The following GABRA5 variants were observed in gnomAD, a reference collection of about 807,000 sequenced individuals.
GABRA5 encodes gamma-aminobutyric acid type A receptor subunit alpha5.
In GABRA5, 18 loss-of-function variants were observed where a neutral mutation model predicts 47.3. That is an observed-to-expected ratio of 0.38 (90% CI 0.26 to 0.56). The LOEUF (loss-of-function observed/expected upper bound fraction) is 0.56, where lower values mean the gene tolerates loss of function less well. Ranked by LOEUF, GABRA5 falls within the 20% of genes least tolerant of loss-of-function variation. GABRA5 has a pLI of 0.71. For missense variants in GABRA5, 365 were observed against 599.3 expected, an observed-to-expected ratio of 0.61 and a Z score of 4.08; for synonymous variants, 237 against 229.3, an observed-to-expected ratio of 1.03 and a Z score of -0.30.
Position 26,872,666 on chromosome 15 carries a change from C to A in GABRA5, c.86+3332C>A, listed in dbSNP as rs138320654. ...AAGCATCAAAGGGTTTAATTTGAAC[C>A]TGATTCTAGGACAAGAGAAGTGCTG... On this transcript the variant is annotated intron_variant, in intron 3 of 10. Transcript: ENST00000335625. Among the ~76,000 whole-genome samples the A allele has an allele frequency of 3.3e-3, 495 of 152,242 alleles. 4 individuals carry two copies. The highest frequency in any genetic ancestry group is 0.011 in the African/African-American group (476 of 41,532).
In GABRA5 at chr15:26,943,506, G is replaced by A. The variant is rs569156389; in HGVS notation, c.1089+80G>A. The A allele has an allele frequency of 2.3e-4, 296 of 1,288,950 alleles. No homozygotes were observed. The African/African-American group carries it at 2.6e-3, about 11-fold the overall frequency. The allele number at this position is 1,288,950 out of a possible 1,614,324, so 79.8% of individuals were successfully genotyped here. ...CTGATTCTATCCAAACATGAGACAA[G>A]GTGCTGCTCCTTCCTACCCGCCAGC... On this transcript the variant is annotated intron_variant, in intron 10 of 10. Transcript: ENST00000335625.
At chr15:26,870,099 A>G (rs564308347) in intron 3 of GABRA5, among the ~76,000 whole-genome samples, 44 of 152,360 alleles carry the variant, frequency 2.9e-4, no homozygotes, top group African/African-American at 8.4e-4. Context: ...CATATAATTA[A>G]GAAATTAAAT....
rs142114430 is a variant in GABRA5, at chr15:26,919,032, A to G, written c.580+4147A>G. On this transcript the variant is annotated intron_variant, in intron 7 of 10. Transcript: ENST00000335625. ...GTGGTGCATGCCTGTAGTCACAGCTATTTGGGAGGATGAGGCAGAAGGATC... is the reference window on the plus strand; with the variant it reads ...GTGGTGCATGCCTGTAGTCACAGCTGTTTGGGAGGATGAGGCAGAAGGATC... 8.7e-4 allele frequency among the ~76,000 whole-genome samples: 132 copies of G among 152,258 alleles called. 1 individual carries two copies. Among genetic ancestry groups the G allele is most frequent in the African/African-American group, 3.1e-3 (129 of 41,568 alleles).
At chr15:26,894,896 C>T (rs1403739230) in intron 6 of GABRA5, among the ~76,000 whole-genome samples, 3 of 151,800 alleles carry the variant, frequency 2.0e-5, no homozygotes, top group Non-Finnish European at 4.4e-5. Context: ...TCCGTGGGTC[C>T]GACTTCTGTC....
intron 6 of GABRA5, among the ~76,000 whole-genome samples, chr15:26,910,597 C>CAAA (rs34894641): frequency 6.8e-6 from 1 of 146,564 alleles, no homozygotes; most frequent in Non-Finnish European, 1.5e-5. Context: ...GAGACTCCAT[C>CAAA]AAAAAAAAAA....
chr15:26,938,479 CA>C (rs747670397), intron 8 of GABRA5, among the ~76,000 whole-genome samples: 8 of 152,120 alleles, frequency 5.3e-5, no homozygotes, highest in Non-Finnish European at 1.0e-4. Flanking sequence ...CAAACACTAC[CA>C]AATTTTCCTA....
chr15:26,927,900 A>G (rs905870457), intron 7 of GABRA5, among the ~76,000 whole-genome samples: 2 of 152,222 alleles, frequency 1.3e-5, no homozygotes, highest in African/African-American at 4.8e-5. Context: ...TGTTATTGGT[A>G]TCTCTACTCT....
intron 6 of GABRA5, among the ~76,000 whole-genome samples, chr15:26,891,486 A>T (rs1893004853): frequency 6.6e-6 from 1 of 152,178 alleles, no homozygotes; most frequent in Admixed American, 6.5e-5. Flanking sequence ...TGCAACAGGA[A>T]GCTAGCTATG....
chr15:26,944,616 CAG>C (rs892647064), intron 10 of GABRA5, among the ~76,000 whole-genome samples: 48 of 152,178 alleles, frequency 3.2e-4, no homozygotes, highest in African/African-American at 1.1e-3. Flanking sequence ...AGGCTGTTCT[CAG>C]ACGATAGAGG....
At chr15:26,922,737 G>T (rs2140301244) in intron 7 of GABRA5, among the ~76,000 whole-genome samples, 1 of 152,094 alleles carries the variant, frequency 6.6e-6, no homozygotes, top group African/African-American at 2.4e-5. Flanking sequence ...TTTTTCAGTG[G>T]TTCTTCTAGG....
intron 6 of GABRA5, among the ~76,000 whole-genome samples, chr15:26,900,544 ATTTCATTT>A (rs889878501): frequency 5.3e-5 from 8 of 152,106 alleles, no homozygotes; most frequent in Admixed American, 4.6e-4. Context: ...TTTTAAAAGA[ATTTCATTT>A]TTGGAGCAGT....
chr15:26,921,796 C>G (rs963313504), intron 7 of GABRA5, among the ~76,000 whole-genome samples: 4 of 151,940 alleles, frequency 2.6e-5, no homozygotes, highest in Non-Finnish European at 5.9e-5. Context: ...TTGTATTTTC[C>G]TTTCATTCCA....
intron 7 of GABRA5, among the ~76,000 whole-genome samples, chr15:26,932,987 A>C (rs1894145261): frequency 6.6e-6 from 1 of 152,048 alleles, no homozygotes; most frequent in Non-Finnish European, 1.5e-5. Flanking sequence ...AAAATAGCTA[A>C]TGAATGCTGG....
intron 6 of GABRA5, among the ~76,000 whole-genome samples, chr15:26,908,639 A>T (rs1268126127): frequency 2.0e-5 from 3 of 152,198 alleles, no homozygotes; most frequent in Non-Finnish European, 4.4e-5. Context: ...TCTTTTCTGT[A>T]GCATCAATCT....
chr15:26,905,901 TTTC>T (rs1893434211), intron 6 of GABRA5, among the ~76,000 whole-genome samples: 1 of 152,066 alleles, frequency 6.6e-6, no homozygotes. Flanking sequence ...TTTCCTTTAT[TTTC>T]TTATTTCTTT....
chr15:26,889,340 G>A (rs985114867), intron 6 of GABRA5, among the ~76,000 whole-genome samples: 1 of 151,954 alleles, frequency 6.6e-6, no homozygotes, highest in African/African-American at 2.4e-5. Flanking sequence ...TGAGTCCTTG[G>A]AAATTATATT....
intron 6 of GABRA5, 40 bp from the exon 7 acceptor site, chr15:26,914,763 T>TGAGA (rs1265556348): frequency 6.6e-7 from 1 of 1,504,242 alleles, no homozygotes; most frequent in Non-Finnish European, 9.3e-7. Context: ...ATGGCTAGAG[T>TGAGA]GAGAGAGTCG....
At chr15:26,944,924 C>A (rs888896962) in intron 10 of GABRA5, among the ~76,000 whole-genome samples, 3 of 152,126 alleles carry the variant, frequency 2.0e-5, no homozygotes, top group Non-Finnish European at 4.4e-5. Context: ...ATGGAGAGAG[C>A]ACACCTGTGG....
chr15:26,895,200 C>T (rs1432381372), intron 6 of GABRA5, among the ~76,000 whole-genome samples: 2 of 151,888 alleles, frequency 1.3e-5, no homozygotes, highest in Non-Finnish European at 2.9e-5. Context: ...ACCCTTCAGT[C>T]CCCCCACCTC....
Sources: gnomAD v4.1 joint callset for allele counts (sites outside exome capture counted in the v4.1 genomes callset) on GRCh38, gnomAD v4.1.1 for gene constraint, MANE v1.5 for transcripts, NCBI Gene and HGNC (gene_info 2026-07-23, HGNC 2026-07-21) for gene names.